The following ALCAM variants were observed in gnomAD, a reference collection of about 807,000 sequenced individuals.
ALCAM encodes the protein activated leukocyte cell adhesion molecule, also known as CD166 antigen.
A neutral mutation model predicts 70.9 loss-of-function variants in ALCAM; 30 were observed. That is an observed-to-expected ratio of 0.42 (90% CI 0.32 to 0.57). The LOEUF is 0.57. Among genes scored for constraint, ALCAM ranks in the 20% least tolerant of loss-of-function variants. The pLI is 0.11. For synonymous variants in ALCAM, 249 were observed against 242.5 expected, an observed-to-expected ratio of 1.03 and a Z score of -0.25; for missense variants, 591 against 695.1, an observed-to-expected ratio of 0.85 and a Z score of 1.68.
In ALCAM at chr3:105,574,490, A is replaced by AT; in HGVS notation, c.*40dup. 2 of 152,558 alleles carry AT rather than the reference A, an allele frequency of 1.3e-5. No homozygotes were observed. Among genetic ancestry groups the AT allele is most frequent in the Middle Eastern group, 6.8e-3 (2 of 294 alleles). The allele number at this position is 152,558 out of a possible 1,614,324, so 9.5% of individuals were successfully genotyped here. ...TTTTCATTTCAGAGATAAAAATCAT[A>AT]TAGACCAATTGAAGCATGAACGTGG... is the stretch of plus-strand genomic sequence containing the variant. On this transcript the variant is annotated 3_prime_UTR_variant, in exon 16 of 16. Coordinates refer to ENST00000306107, the MANE Select transcript of ALCAM (RefSeq NM_001627.4).
At chr3:105,547,094 T>G in intron 9 of ALCAM, 55 bp from the exon 10 acceptor site, 1 of 1,417,632 alleles carries the variant, frequency 7.1e-7, no homozygotes, top group South Asian at 1.6e-5. Context: ...ATCTAATAAA[T>G]ACACTGAGAA....
At chr3:105,452,301 G>A (rs957128080) in intron 1 of ALCAM, among the ~76,000 whole-genome samples, 1 of 151,936 alleles carries the variant, frequency 6.6e-6, no homozygotes, top group Non-Finnish European at 1.5e-5. Flanking sequence ...TCCCACTTAT[G>A]AGTGAGAGTC....
intron 1 of ALCAM, among the ~76,000 whole-genome samples, chr3:105,518,399 G>T (rs1939437134): frequency 6.6e-6 from 1 of 152,060 alleles, no homozygotes; most frequent in South Asian, 2.1e-4. Flanking sequence ...ACCTCTACCT[G>T]TGAAGTGTAT....
At chr3:105,415,602 C>G (rs1331538123) in intron 1 of ALCAM, among the ~76,000 whole-genome samples, 2 of 152,082 alleles carry the variant, frequency 1.3e-5, no homozygotes, top group Admixed American at 1.3e-4. Context: ...TCAAATTGGT[C>G]ACACATAAAT....
At chr3:105,520,007 C>A in intron 1 of ALCAM, 60 bp from the exon 2 acceptor site, 3 of 1,075,722 alleles carry the variant, frequency 2.8e-6, no homozygotes, top group African/African-American at 1.6e-5. Context: ...TTCAAGAAAG[C>A]ATTTAAAATT....
At chr3:105,506,116 A>G (rs1939067990) in intron 1 of ALCAM, among the ~76,000 whole-genome samples, 1 of 152,234 alleles carries the variant, frequency 6.6e-6, no homozygotes, top group South Asian at 2.1e-4. Flanking sequence ...CTACATAACA[A>G]ACTCTCTAAA....
intron 1 of ALCAM, among the ~76,000 whole-genome samples, chr3:105,374,323 A>T (rs1576117477): frequency 6.6e-6 from 1 of 152,044 alleles, no homozygotes; most frequent in Admixed American, 6.6e-5. Flanking sequence ...TGGGAGGCCG[A>T]GGCGGGCGGA....
At chr3:105,447,079 G>A (rs749030626) in intron 1 of ALCAM, among the ~76,000 whole-genome samples, 9 of 151,878 alleles carry the variant, frequency 5.9e-5, no homozygotes, top group Non-Finnish European at 1.2e-4. Flanking sequence ...TCTGATTTTC[G>A]CACAATGTAT....
intron 3 of ALCAM, among the ~76,000 whole-genome samples, chr3:105,529,103 T>C (rs984274494): frequency 5.3e-5 from 8 of 152,184 alleles, no homozygotes; most frequent in Non-Finnish European, 1.0e-4. Flanking sequence ...TAAGCTACCA[T>C]AGTGTGGCCC....
At chr3:105,550,282 T>A in intron 12 of ALCAM, 23 bp downstream of exon 12, 1 of 1,574,628 alleles carries the variant, frequency 6.4e-7, no homozygotes, top group South Asian at 1.2e-5. Context: ...TTTCTGGCAT[T>A]ACAAAAGTAA....
At chr3:105,535,540 T>C (rs1021589224) in intron 6 of ALCAM, among the ~76,000 whole-genome samples, 1 of 152,164 alleles carries the variant, frequency 6.6e-6, no homozygotes, top group Non-Finnish European at 1.5e-5. Context: ...TTACTCTACA[T>C]CTCAGTTTTC....
rs577149576 is a variant in ALCAM, at chr3:105,519,313, A to G, written c.74-754A>G. 3.9e-5 allele frequency among the ~76,000 whole-genome samples: 6 copies of G among 151,982 alleles called. 1 individual carries two copies. The East Asian group carries it at 9.7e-4, about 24-fold the overall frequency. On this transcript the variant is annotated intron_variant, in intron 1 of 15. Transcript: ENST00000306107. ...TCCACATTTTAATTTTTTATTGTTT[A>G]TATTTTTTCTTAATATAGAATTAAA...
intron 1 of ALCAM, among the ~76,000 whole-genome samples, chr3:105,492,762 C>A (rs1417515177): frequency 2.0e-5 from 3 of 152,054 alleles, no homozygotes; most frequent in African/African-American, 7.2e-5. Context: ...ATTTTTCCTA[C>A]TGAACATGTA....
chr3:105,495,425 T>A (rs1375783219), intron 1 of ALCAM, among the ~76,000 whole-genome samples: 2 of 143,046 alleles, frequency 1.4e-5, no homozygotes, highest in Non-Finnish European at 3.0e-5. Flanking sequence ...AAATTTGTTT[T>A]GTTCCACAAA....
intron 1 of ALCAM, among the ~76,000 whole-genome samples, chr3:105,380,410 C>A (rs546383704): frequency 6.6e-6 from 1 of 151,870 alleles, no homozygotes; most frequent in Non-Finnish European, 1.5e-5. Flanking sequence ...AGGGAGTTAT[C>A]CACTCTGTGT....
chr3:105,396,866 AT>A (rs766666182), intron 1 of ALCAM, among the ~76,000 whole-genome samples: 5 of 152,024 alleles, frequency 3.3e-5, no homozygotes, highest in Non-Finnish European at 7.4e-5. Flanking sequence ...TGAGATAGTA[AT>A]TTTTCATAAA....
chr3:105,544,337 G>A (rs1341732343), intron 8 of ALCAM, among the ~76,000 whole-genome samples: 4 of 151,544 alleles, frequency 2.6e-5, no homozygotes, highest in Admixed American at 6.6e-5. Flanking sequence ...CAGAGGCCAC[G>A]AACATATAGT....
chr3:105,549,035 G>A (rs1940321601), intron 11 of ALCAM, among the ~76,000 whole-genome samples: 1 of 151,452 alleles, frequency 6.6e-6, no homozygotes, highest in Non-Finnish European at 1.5e-5. Context: ...ATTTTGTAGA[G>A]TTTAAAGTAA....
chr3:105,428,413 ATC>A (rs1278390833), intron 1 of ALCAM, among the ~76,000 whole-genome samples: 1 of 152,098 alleles, frequency 6.6e-6, no homozygotes, highest in East Asian at 1.9e-4. Flanking sequence ...TTTCTAATAT[ATC>A]ATAATATTTC....
Sources: allele counts gnomAD v4.1 joint callset (sites outside exome capture counted in the v4.1 genomes callset), GRCh38; gene constraint gnomAD v4.1.1; transcripts MANE v1.5; gene names NCBI Gene and HGNC (gene_info 2026-07-23, HGNC 2026-07-21).